The following TRAF3 variants were observed in gnomAD, a reference collection of about 807,000 sequenced individuals.
TRAF3 encodes the protein TNF receptor-associated factor 3.
Under a neutral mutation model 62.3 loss-of-function variants are expected in TRAF3, and 13 were observed. The ratio of observed to expected loss-of-function variants is 0.21; its 90% confidence interval spans 0.14 to 0.33. The LOEUF (loss-of-function observed/expected upper bound fraction) is 0.33, where lower values mean the gene tolerates loss of function less well. Among genes scored for constraint, TRAF3 ranks in the 10% least tolerant of loss-of-function variants. The pLI is 1.00. For missense variants in TRAF3, 440 were observed against 741.8 expected (o/e 0.59, Z 4.73); for synonymous variants, 269 against 283.4 (o/e 0.95, Z 0.51).
chr14:102,828,389 A>G (rs776614718), intron 1 of TRAF3, among the ~76,000 whole-genome samples: 28 of 152,202 alleles, frequency 1.8e-4, no homozygotes, highest in Non-Finnish European at 3.7e-4. Flanking sequence ...GAGATAATGA[A>G]GGTAATACTC....
intron 2 of TRAF3, among the ~76,000 whole-genome samples, chr14:102,849,442 A>G (rs901026158): frequency 2.0e-5 from 3 of 152,250 alleles, no homozygotes; most frequent in Non-Finnish European, 2.9e-5. Flanking sequence ...TTTGCATATA[A>G]TAAGGATTGA....
chr14:102,830,617 A>G (rs894361241), intron 2 of TRAF3, 145 bp downstream of exon 2: 1 of 152,168 alleles, frequency 6.6e-6, no homozygotes. Context: ...TTATTTATAG[A>G]ATTTCTACTC....
Position 102,900,047 on chromosome 14 carries a change from T to C in TRAF3, c.960+2646T>C, listed in dbSNP as rs1013969166. Among the ~76,000 whole-genome samples, 16 of 146,608 alleles carry C rather than the reference T, an allele frequency of 1.1e-4. 1 individual carries two copies. Among genetic ancestry groups the C allele is most frequent in the Admixed American group, 4.1e-4 (6 of 14,626 alleles). On this transcript the variant is annotated intron_variant, in intron 10 of 11. Transcript: ENST00000392745. ...ACAAAAAATTAGCCAGGTGCGGTGG[T>C]GGGCGCCTGTAGTCCCAGCTACTCG...
At chr14:102,778,262 C>T (rs1897115039) in intron 1 of TRAF3, among the ~76,000 whole-genome samples, 1 of 151,684 alleles carries the variant, frequency 6.6e-6, no homozygotes, top group Non-Finnish European at 1.5e-5. Flanking sequence ...TCCCGGGGCA[C>T]CGGGCGGCTC....
At chr14:102,797,895 G>T (rs754013277) in intron 1 of TRAF3, among the ~76,000 whole-genome samples, 1 of 152,020 alleles carries the variant, frequency 6.6e-6, no homozygotes, top group Non-Finnish European at 1.5e-5. Context: ...GCACCACCAC[G>T]CCTGGCTAAG....
intron 1 of TRAF3, among the ~76,000 whole-genome samples, chr14:102,821,204 T>C (rs1899968612): frequency 6.6e-6 from 1 of 152,218 alleles, no homozygotes; most frequent in Admixed American, 6.5e-5. Flanking sequence ...GATTGTTCTT[T>C]TAATTTAAAA....
chr14:102,902,043 C>A (rs1331681372), intron 10 of TRAF3, among the ~76,000 whole-genome samples: 1 of 152,248 alleles, frequency 6.6e-6, no homozygotes, highest in East Asian at 1.9e-4. Context: ...CACTCCAGCC[C>A]CTTAACACAG....
chr14:102,803,165 G>A (rs1309415882), intron 1 of TRAF3, among the ~76,000 whole-genome samples: 1 of 152,234 alleles, frequency 6.6e-6, no homozygotes, highest in Non-Finnish European at 1.5e-5. Context: ...TAGAGACACA[G>A]CCCTATCAGT....
chr14:102,803,698 A>G lies in TRAF3; in HGVS notation c.-157+26023A>G, dbSNP rs188240180. Among the ~76,000 whole-genome samples, 178 of 151,976 alleles carry G rather than the reference A, an allele frequency of 1.2e-3. 2 individuals are homozygous for G. The highest frequency in any genetic ancestry group is 6.8e-3 in the Middle Eastern group (2 of 294). ...GTAGCTGGGTGTGCACCCTGCACCC[A>G]GCCAGAAGTGGAATATCTTGTTGGG... is the stretch of plus-strand genomic sequence containing the variant. On this transcript the variant is annotated intron_variant, in intron 1 of 11. Transcript: ENST00000392745.
intron 8 of TRAF3, among the ~76,000 whole-genome samples, 184 bp from the exon 9 acceptor site, chr14:102,891,141 C>T (rs1889687980): frequency 6.6e-6 from 1 of 152,238 alleles, no homozygotes. Flanking sequence ...GCCTCCTCAC[C>T]TGCACGCAGT....
chr14:102,822,684 C>T (rs751916272), intron 1 of TRAF3, among the ~76,000 whole-genome samples: 2 of 152,092 alleles, frequency 1.3e-5, no homozygotes, highest in Non-Finnish European at 2.9e-5. Context: ...AATTGTGAGT[C>T]GACATGATTC....
intron 1 of TRAF3, among the ~76,000 whole-genome samples, chr14:102,825,222 C>T (rs1019341045): frequency 2.6e-5 from 4 of 152,250 alleles, no homozygotes; most frequent in Non-Finnish European, 5.9e-5. Context: ...TTTGCTGGAG[C>T]ACCCACTGGT....
At chr14:102,788,019 T>C (rs956842119) in intron 1 of TRAF3, among the ~76,000 whole-genome samples, 2 of 151,452 alleles carry the variant, frequency 1.3e-5, no homozygotes, top group African/African-American at 4.8e-5. Flanking sequence ...ACCTGGCTAA[T>C]TTTTGTATTT....
chr14:102,809,225 A>G (rs1490486291), intron 1 of TRAF3: 1 of 152,384 alleles, frequency 6.6e-6, no homozygotes, highest in East Asian at 1.9e-4. Flanking sequence ...TGACCTCGTG[A>G]TCTGCCTGCC....
At chr14:102,852,144 A>AT (rs1287825649) in intron 2 of TRAF3, among the ~76,000 whole-genome samples, 8 of 149,072 alleles carry the variant, frequency 5.4e-5, no homozygotes, top group East Asian at 1.9e-4. Flanking sequence ...TTTTTATTTT[A>AT]TTTTTTTTAC....
chr14:102,895,771 T>G (rs1889975684), intron 9 of TRAF3, among the ~76,000 whole-genome samples: 3 of 152,222 alleles, frequency 2.0e-5, no homozygotes, highest in Non-Finnish European at 4.4e-5. Flanking sequence ...GCTAATTATC[T>G]TTCAGAAAGA....
intron 1 of TRAF3, among the ~76,000 whole-genome samples, chr14:102,814,174 CT>C (rs771711881): frequency 1.4e-4 from 21 of 152,162 alleles, no homozygotes; most frequent in African/African-American, 4.8e-4. Flanking sequence ...AGAGACTGTC[CT>C]TTCCCCAATG....
intron 1 of TRAF3, among the ~76,000 whole-genome samples, chr14:102,807,245 C>T (rs1898828136): frequency 6.6e-6 from 1 of 152,204 alleles, no homozygotes; most frequent in Non-Finnish European, 1.5e-5. Context: ...TCTTGCGTCT[C>T]CCTGCTGCCC....
chr14:102,858,618 G>T (rs529172512), intron 2 of TRAF3, among the ~76,000 whole-genome samples: 79 of 152,268 alleles, frequency 5.2e-4, no homozygotes, highest in Admixed American at 1.6e-3. Context: ...CACTATTAAA[G>T]GCACAATTGA....
Sources: gnomAD v4.1 joint callset for allele counts (sites outside exome capture counted in the v4.1 genomes callset) on GRCh38, gnomAD v4.1.1 for gene constraint, MANE v1.5 for transcripts, NCBI Gene and HGNC (gene_info 2026-07-23, HGNC 2026-07-21) for gene names.